Variants in LRMDA observed in about 807,000 individuals in gnomAD.
The protein encoded by LRMDA is leucine rich melanocyte differentiation associated.
A neutral mutation model predicts 29.8 loss-of-function variants in LRMDA; 18 were observed. The ratio of observed to expected loss-of-function variants is 0.60; its 90% CI spans 0.42 to 0.90. The LOEUF (loss-of-function observed/expected upper bound fraction) is 0.90, where lower values mean the gene tolerates loss of function less well. Ranked by LOEUF, LRMDA falls within the 40% of genes least tolerant of loss-of-function variation. LRMDA has a pLI of 0.00. For missense variants in LRMDA, 273 were observed against 273.9 expected (o/e 1.00, Z 0.02); for synonymous variants, 125 against 109.4 (o/e 1.14, Z -0.89).
intron 2 of LRMDA, among the ~76,000 whole-genome samples, chr10:75,652,302 G>A (rs1841609501): frequency 6.6e-6 from 1 of 152,190 alleles, no homozygotes; most frequent in Admixed American, 6.5e-5. Flanking sequence ...AGGCACTGAA[G>A]CAAAATGCTC....
At chr10:76,046,599 C>T (rs1848442933) in intron 3 of LRMDA, among the ~76,000 whole-genome samples, 2 of 152,160 alleles carry the variant, frequency 1.3e-5, no homozygotes, top group Admixed American at 6.5e-5. Context: ...ATTCTCCTGC[C>T]TCAGCTTCCC....
intron 6 of LRMDA, among the ~76,000 whole-genome samples, chr10:76,486,445 C>A (rs1325842861): frequency 1.3e-5 from 2 of 151,882 alleles, no homozygotes; most frequent in African/African-American, 4.8e-5. Flanking sequence ...CTCTGTGCTG[C>A]ACGTACATAG....
chr10:76,102,626 A>G (rs1849411725), intron 5 of LRMDA, among the ~76,000 whole-genome samples: 3 of 151,848 alleles, frequency 2.0e-5, no homozygotes, highest in Admixed American at 2.0e-4. Flanking sequence ...TGCTTTTTCC[A>G]TTTAGGTCAG....
rs561207553 is a variant in LRMDA at position 76,256,298 on chromosome 10, C to T, written c.517-68103C>T. Among the ~76,000 whole-genome samples the T allele has an allele frequency of 7.9e-5, 12 of 152,300 alleles. No homozygotes were observed. The South Asian group carries it at 8.3e-4, about 11-fold the overall frequency. On this transcript the variant is annotated intron_variant, in intron 5 of 6. Coordinates refer to ENST00000611255, the MANE Select transcript of LRMDA (RefSeq NM_001305581.2). ...AGAGCCATCAATGGTCTTCATTTCT[C>T]TTTCTAGGAAACTTGGAAATTTTAG...
intron 5 of LRMDA, among the ~76,000 whole-genome samples, chr10:76,137,817 G>T (rs1268727479): frequency 6.6e-6 from 1 of 151,982 alleles, no homozygotes; most frequent in South Asian, 2.1e-4. Context: ...TTGACTTGGG[G>T]TGACAATGTG....
chr10:75,477,118 G>A (rs1398233313), intron 2 of LRMDA, among the ~76,000 whole-genome samples: 1 of 151,922 alleles, frequency 6.6e-6, no homozygotes, highest in Non-Finnish European at 1.5e-5. Flanking sequence ...AGCTTCCCAA[G>A]TAGATAGGAC....
chr10:76,056,518 C>A (rs535559710), intron 4 of LRMDA, among the ~76,000 whole-genome samples: 1 of 152,282 alleles, frequency 6.6e-6, no homozygotes, highest in South Asian at 2.1e-4. Context: ...CCAAGGGATG[C>A]CTGCAGGCCC....
At chr10:75,614,841 G>A (rs1307312670) in intron 2 of LRMDA, among the ~76,000 whole-genome samples, 4 of 151,816 alleles carry the variant, frequency 2.6e-5, no homozygotes, top group Admixed American at 2.0e-4. Context: ...TATAACCTGA[G>A]GACACCAGCA....
chr10:76,324,430 G>A lies in LRMDA; in HGVS notation c.546G>A (p.Pro182=), dbSNP rs775067979. ...KASSEDVASS[P]ERHYTPLPSA... The stretch of plus-strand genomic sequence containing the variant: ...CTAGTGAGGACGTTGCCAGCTCCCC[G>A]GAGCGCCACTACACGCCCTTGCCTT... Residue 182 remains proline, a synonymous_variant, in exon 6 of 7, where the codon CCG becomes CCA. Coordinates refer to ENST00000611255, the MANE Select transcript of LRMDA (RefSeq NM_001305581.2). The A allele has an allele frequency of 7.5e-5, 121 of 1,613,882 alleles. 1 individual carries two copies. In the South Asian group the frequency reaches 1.0e-3, roughly 14 times the overall value.
chr10:76,521,394 A>T (rs1843119937), intron 6 of LRMDA, among the ~76,000 whole-genome samples: 1 of 152,166 alleles, frequency 6.6e-6, no homozygotes, highest in Admixed American at 6.5e-5. Context: ...TCGACCTCCC[A>T]AAGTGCTGGG....
chr10:76,021,632 A>G (rs1021372833), intron 2 of LRMDA, among the ~76,000 whole-genome samples: 3 of 152,152 alleles, frequency 2.0e-5, no homozygotes, highest in Non-Finnish European at 4.4e-5. Flanking sequence ...GACATGTGAG[A>G]ATATTAACCT....
Position 75,673,348 on chromosome 10 carries a change from G to C in LRMDA, c.131+234854G>C, listed in dbSNP as rs147660016. 3.3e-5 allele frequency among the ~76,000 whole-genome samples: 5 copies of C among 152,282 alleles called. No individual in the cohort carries two copies. The East Asian group carries it at 9.6e-4, about 29-fold the overall frequency. On this transcript the variant is annotated intron_variant, in intron 2 of 6. Coordinates refer to ENST00000611255, the MANE Select transcript of LRMDA (RefSeq NM_001305581.2). ...TACCGCTCCTGAAATGCTAAAATCAGAAGAGACCTTAGAGGTCACCTGAAG... is the reference window on the plus strand; with the variant it reads ...TACCGCTCCTGAAATGCTAAAATCACAAGAGACCTTAGAGGTCACCTGAAG...
At chr10:75,674,256 A>T (rs1024060141) in intron 2 of LRMDA, among the ~76,000 whole-genome samples, 2 of 152,162 alleles carry the variant, frequency 1.3e-5, no homozygotes, top group Admixed American at 6.5e-5. Flanking sequence ...AGTTCTGGGG[A>T]GATAAGTTTA....
At chr10:75,747,469 T>C (rs1001800995) in intron 2 of LRMDA, among the ~76,000 whole-genome samples, 1 of 152,194 alleles carries the variant, frequency 6.6e-6, no homozygotes, top group Non-Finnish European at 1.5e-5. Flanking sequence ...TGAAATACGA[T>C]AGGGACCATA....
At position 75,862,178 on chromosome 10, in the gene LRMDA, T is replaced by TCACACACACACACA. The variant is rs3042514; in HGVS notation, c.132-173810_132-173797dup. ...GCAATAGATAATCAAAACCTTGGGT[T>TCACACACACACACA]CACACACACACACACACACACACAC... is the stretch of plus-strand genomic sequence containing the variant. On this transcript the variant is annotated intron_variant, in intron 2 of 6. Coordinates refer to ENST00000611255, the MANE Select transcript of LRMDA (RefSeq NM_001305581.2). Among the ~76,000 whole-genome samples the TCACACACACACACA allele has an allele frequency of 2.3e-3, 340 of 147,654 alleles. 1 individual carries two copies. Among genetic ancestry groups the TCACACACACACACA allele is most frequent in the South Asian group, 4.0e-3 (18 of 4,554 alleles).
chr10:76,454,781 T>G (rs994674259), intron 6 of LRMDA, among the ~76,000 whole-genome samples: 10 of 152,230 alleles, frequency 6.6e-5, no homozygotes, highest in Non-Finnish European at 1.5e-4. Flanking sequence ...AGGTCTCATA[T>G]GCTGAGAAGG....
At chr10:76,225,603 T>C (rs954441942) in intron 5 of LRMDA, among the ~76,000 whole-genome samples, 4 of 151,984 alleles carry the variant, frequency 2.6e-5, no homozygotes, top group Admixed American at 2.6e-4. Context: ...CTCTCTCTTT[T>C]CTTCTCTCTC....
At chr10:76,287,795 C>T (rs1023691332) in intron 5 of LRMDA, among the ~76,000 whole-genome samples, 1 of 152,170 alleles carries the variant, frequency 6.6e-6, no homozygotes, top group African/African-American at 2.4e-5. Flanking sequence ...AAACAAGTCT[C>T]CTCTGGAGGA....
intron 2 of LRMDA, among the ~76,000 whole-genome samples, chr10:75,869,619 G>A (rs913166326): frequency 6.6e-6 from 1 of 152,168 alleles, no homozygotes; most frequent in Non-Finnish European, 1.5e-5. Context: ...AAAACCAAGT[G>A]CATTACTGAT....
Sources: allele counts gnomAD v4.1 joint callset (sites outside exome capture counted in the v4.1 genomes callset), GRCh38; gene constraint gnomAD v4.1.1; transcripts MANE v1.5; gene names NCBI Gene and HGNC (gene_info 2026-07-23, HGNC 2026-07-21).